The following AMZ1 variants were observed in gnomAD, a reference collection of about 807,000 sequenced individuals.
AMZ1 encodes archaelysin family metallopeptidase 1.
A neutral mutation model predicts 29.9 loss-of-function variants in AMZ1; 39 were observed. That is an observed-to-expected ratio of 1.30 (90% CI 1.01 to 1.70). The LOEUF (loss-of-function observed/expected upper bound fraction) is 1.70. AMZ1 is among the 40% of genes most tolerant of loss of function. AMZ1 has a pLI of 0.00. For missense variants in AMZ1, 1,041 were observed against 680.6 expected (o/e 1.53, Z -5.89); for synonymous variants, 458 against 304.0 (o/e 1.51, Z -5.27).
Position 2,738,533 on chromosome 7 carries a change from T to C in AMZ1, n.551-26179T>C, listed in dbSNP as rs1259271269. On this transcript the variant is annotated intron_variant and non_coding_transcript_variant, in intron 4 of 4. Transcript: ENST00000489665. Reference sequence around the variant, plus strand: ...GAGTATCTTCCTTTTATGTAAGAAATGGCGGGAGACTAAAACCCATATTCT... The same window carrying C: ...GAGTATCTTCCTTTTATGTAAGAAACGGCGGGAGACTAAAACCCATATTCT... Among the ~76,000 whole-genome samples the C allele has an allele frequency of 3.3e-5, 5 of 151,938 alleles. 1 individual carries two copies. The South Asian group carries it at 1.0e-3, about 32-fold the overall frequency.
intron 6 of AMZ1, among the ~76,000 whole-genome samples, chr7:2,710,923 C>T (rs1043315263): frequency 1.3e-5 from 2 of 152,240 alleles, no homozygotes; most frequent in African/African-American, 4.8e-5. Context: ...CTTCCTGAGG[C>T]TGTGTAACAG....
downstream of AMZ1, among the ~76,000 whole-genome samples, chr7:2,719,883 A>G (rs1167838705): frequency 6.6e-6 from 1 of 151,994 alleles, no homozygotes; most frequent in Admixed American, 6.6e-5. Context: ...GGGTTTCATC[A>G]CCTTGGCCAG....
chr7:2,688,611 C>G (rs867760447), intron 1 of AMZ1, among the ~76,000 whole-genome samples: 13 of 152,320 alleles, frequency 8.5e-5, no homozygotes, highest in African/African-American at 2.6e-4. Context: ...GCGCGCTTCC[C>G]GATGGGAGCA....
rs529863958 is a variant in AMZ1, at chr7:2,709,492, G to A, written c.772-148G>A. The stretch of plus-strand genomic sequence containing the variant: ...TGGGGCCCTGAAAGTGGCCTGTGCC[G>A]CCTGGGGCAGGGGGAGGGCGCCTGG... On this transcript the variant is annotated intron_variant, in intron 5 of 6. Transcript: ENST00000683327. The A allele has an allele frequency of 6.1e-5, 79 of 1,286,294 alleles. 1 individual carries two copies. The highest frequency in any genetic ancestry group is 2.4e-4 in the African/African-American group (16 of 66,910). The allele number at this position is 1,286,294 out of a possible 1,614,324, so 79.7% of individuals were successfully genotyped here.
chr7:2,709,623 G>T lies in AMZ1; in HGVS notation c.772-17G>T, dbSNP rs932361021. On this transcript the variant is annotated splice_polypyrimidine_tract_variant and intron_variant, in intron 5 of 6. Transcript: ENST00000683327. ...GGCAAGGCAGTGAGGCAAGGTGCTT[G>T]GTGGCCTTCCCCCCAGGTCACGTGC... The T allele has an allele frequency of 6.2e-7, 1 of 1,604,264 alleles. No individual in the cohort carries two copies. The highest frequency in any genetic ancestry group is 1.7e-5 in the Admixed American group (1 of 59,326).
At chr7:2,721,384 G>A (rs150055377), downstream of AMZ1, among the ~76,000 whole-genome samples, 94 of 152,320 alleles carry the variant, frequency 6.2e-4, 2 homozygotes, top group East Asian at 0.017. Flanking sequence ...TGGATGCGAC[G>A]CATGCTGCAG....
At chr7:2,721,061 C>T (rs1195188192), downstream of AMZ1, among the ~76,000 whole-genome samples, 2 of 152,220 alleles carry the variant, frequency 1.3e-5, no homozygotes, top group Non-Finnish European at 2.9e-5. Flanking sequence ...TGCCTTACGC[C>T]CACAGGTCTG....
At chr7:2,720,280 G>C (rs1228552998), downstream of AMZ1, among the ~76,000 whole-genome samples, 1 of 152,162 alleles carries the variant, frequency 6.6e-6, no homozygotes, top group African/African-American at 2.4e-5. Flanking sequence ...GTCAAATGAA[G>C]AGTCACTTCA....
rs62441390 is a variant in AMZ1, at chr7:2,727,687, G to A, written n.550+17871G>A. Among the ~76,000 whole-genome samples the A allele has an allele frequency of 1.0e-2, 1,520 of 152,226 alleles. 13 individuals carry two copies. Among genetic ancestry groups the A allele is most frequent in the Non-Finnish European group, 0.018 (1,207 of 68,010 alleles). Reference sequence around the variant, plus strand: ...ATTATTTACAATGGTTCTCCTACATGCCAGGCTTTGTTTGGTATGTGGAAA... The same window carrying A: ...ATTATTTACAATGGTTCTCCTACATACCAGGCTTTGTTTGGTATGTGGAAA... On this transcript the variant is annotated intron_variant and non_coding_transcript_variant, in intron 4 of 4. Coordinates refer to the AMZ1 transcript ENST00000489665.
rs528909000 is a variant in AMZ1 at position 2,692,948 on chromosome 7, A to G, written c.-219+4652A>G. ...ACGTATCTGCTGCGGGCCTGTGTAC[A>G]CCCACCTCTGTCTGGGACGGTCTGC... On this transcript the variant is annotated intron_variant, in intron 1 of 6. Transcript: ENST00000683327. 5.9e-5 allele frequency among the ~76,000 whole-genome samples: 9 copies of G among 151,812 alleles called. No individual in the cohort carries two copies. In the South Asian group the frequency reaches 8.3e-4, roughly 14 times the overall value.
rs71026549 is a variant in AMZ1 at position 2,757,129 on chromosome 7, CT to C, written n.551-7559del. Reference sequence around the variant, plus strand: ...GCAGGCCCGATCTAATCAGGTGGGCCTTTTTTTTTTTTTTTTTTTTTTTTGA... The same window carrying C: ...GCAGGCCCGATCTAATCAGGTGGGCCTTTTTTTTTTTTTTTTTTTTTTTGA... On this transcript the variant is annotated intron_variant and non_coding_transcript_variant, in intron 4 of 4. Coordinates refer to the AMZ1 transcript ENST00000489665. Among the ~76,000 whole-genome samples, 314 of 93,990 alleles carry C rather than the reference CT, an allele frequency of 3.3e-3. 1 individual carries two copies. The highest frequency in any genetic ancestry group is 0.012 in the African/African-American group (279 of 23,000). 61.7% of individuals were successfully genotyped at this position (93,990 alleles called of 152,430 possible).
chr7:2,733,482 A>G, intron 4 of AMZ1: 1 of 1,613,880 alleles, frequency 6.2e-7, no homozygotes, highest in Non-Finnish European at 8.5e-7. Flanking sequence ...GTTGTCCAGG[A>G]AGTACTTCAC....
Position 2,745,764 on chromosome 7 carries a change from T to A in AMZ1, n.551-18948T>A, listed in dbSNP as rs559425863. Among the ~76,000 whole-genome samples the A allele has an allele frequency of 9.2e-3, 1,401 of 152,282 alleles. 16 individuals carry two copies. Among genetic ancestry groups the A allele is most frequent in the African/African-American group, 0.032 (1,324 of 41,554 alleles). ...GTCAAGACCCATCAGTGTGCTGTAT[T>A]CAGGAAACCCATCTCACGTGCAGAG... is the stretch of plus-strand genomic sequence containing the variant. On this transcript the variant is annotated intron_variant and non_coding_transcript_variant, in intron 4 of 4. Transcript: ENST00000489665.
chr7:2,745,416 A>G (rs1244228238), intron 4 of AMZ1, among the ~76,000 whole-genome samples: 1 of 152,224 alleles, frequency 6.6e-6, no homozygotes, highest in Non-Finnish European at 1.5e-5. Context: ...ATCCAGCCAA[A>G]CTAAGCTTCA....
chr7:2,763,219 CACACACACACA>C, upstream of AMZ1: 2 of 416,222 alleles, frequency 4.8e-6, no homozygotes, highest in South Asian at 1.1e-4. Context: ...CACACACACA[CACACACACACA>C]CGGTCTCAAC....
chr7:2,719,961 G>A (rs1019717593), downstream of AMZ1, among the ~76,000 whole-genome samples: 24 of 152,192 alleles, frequency 1.6e-4, no homozygotes, highest in South Asian at 2.1e-4. Context: ...GATTACAGGC[G>A]TCAGCCACCG....
In AMZ1 at chr7:2,716,023, C is replaced by G. The variant is rs373858442; in HGVS notation, c.*3145C>G. ...GTCTTCCAGCTTGACGATGACCTCTCTTCGGAGAGCCTCACCCATCTTGGT... is the reference window on the plus strand; with the variant it reads ...GTCTTCCAGCTTGACGATGACCTCTGTTCGGAGAGCCTCACCCATCTTGGT... On this transcript the variant is annotated 3_prime_UTR_variant, in exon 7 of 7. Transcript: ENST00000683327. 7.9e-5 allele frequency: 12 copies of G among 152,364 alleles called. No homozygotes were observed. The highest frequency in any genetic ancestry group is 2.6e-4 in the African/African-American group (11 of 41,576). The allele number at this position is 152,364 out of a possible 1,614,324, so 9.4% of individuals were successfully genotyped here. A position where few individuals can be genotyped will look rare whatever the true frequency, so the allele number is the denominator to read the frequency against.
exon 1 of AMZ1, chr7:2,764,882 T>G (rs1167820846): frequency 6.6e-6 from 1 of 152,242 alleles, no homozygotes; most frequent in Non-Finnish European, 1.5e-5. Flanking sequence ...CTCAGAGGCT[T>G]AAGCACGCGT....
At chr7:2,735,954 G>A (rs1005443560) in intron 4 of AMZ1, among the ~76,000 whole-genome samples, 7 of 152,142 alleles carry the variant, frequency 4.6e-5, no homozygotes, top group Admixed American at 6.5e-5. Context: ...ACTCACATCC[G>A]CACTCTTGCT....
Sources: gnomAD v4.1 joint callset for allele counts (sites outside exome capture counted in the v4.1 genomes callset) on GRCh38, gnomAD v4.1.1 for gene constraint, MANE v1.5 for transcripts, NCBI Gene and HGNC (gene_info 2026-07-23, HGNC 2026-07-21) for gene names.